PDGFRL: variants seen among roughly 807,000 people sequenced by gnomAD.
PDGFRL encodes platelet-derived growth factor receptor-like protein.
In PDGFRL, 46 loss-of-function variants were observed where a neutral mutation model predicts 37.2. The observed-to-expected ratio is 1.24, with a 90% CI of 0.98 to 1.58. The LOEUF (loss-of-function observed/expected upper bound fraction) is 1.58, where lower values mean the gene tolerates loss of function less well. PDGFRL is among the 40% of genes most tolerant of loss of function. The probability of loss-of-function intolerance (pLI) is 0.00; values close to 1 mark genes in which losing one functional copy is unlikely to be tolerated. For synonymous variants in PDGFRL, 251 were observed against 184.3 expected, an observed-to-expected ratio of 1.36 and a Z score of -2.93; for missense variants, 692 against 467.6, an observed-to-expected ratio of 1.48 and a Z score of -4.43.
chr8:17,631,672 C>T (rs551834925), intron 4 of PDGFRL, among the ~76,000 whole-genome samples: 17 of 152,294 alleles, frequency 1.1e-4, no homozygotes, highest in Admixed American at 4.6e-4. Context: ...TCCACCAAAA[C>T]GGCTATTGCC....
chr8:17,628,520 A>C lies in PDGFRL; in HGVS notation c.539A>C (p.Tyr180Ser). The change falls in exon 4 of 6, where the codon TAC becomes TCC. Residue 180 changes from tyrosine to serine, a missense_variant. Tyr to Ser is a moderately radical substitution (Grantham distance 144). Transcript: ENST00000251630. ...KGELFVPSPS[Y>S]FDVVYLNPDR... is the part of the protein sequence containing the mutation. ...GAACTCTTTGTACCTTCTCCCAGCTACTTCGATGTTGTCTACTTGAACCCG... is the reference window on the plus strand; with the variant it reads ...GAACTCTTTGTACCTTCTCCCAGCTCCTTCGATGTTGTCTACTTGAACCCG... 1 of 1,613,874 alleles carries C rather than the reference A, an allele frequency of 6.2e-7. No homozygotes were observed. The highest frequency in any genetic ancestry group is 8.5e-7 in the Non-Finnish European group (1 of 1,179,798).
chr8:17,596,573 A>C (rs1804057367), intron 2 of PDGFRL, among the ~76,000 whole-genome samples: 1 of 152,218 alleles, frequency 6.6e-6, no homozygotes, highest in African/African-American at 2.4e-5. Flanking sequence ...AATATATCTA[A>C]ATTATATATT....
At chr8:17,602,607 G>A (rs1039298702) in intron 2 of PDGFRL, among the ~76,000 whole-genome samples, 1 of 152,196 alleles carries the variant, frequency 6.6e-6, no homozygotes, top group Non-Finnish European at 1.5e-5. Context: ...GTGGAAAGTG[G>A]TTGAAATTCC....
intron 5 of PDGFRL, among the ~76,000 whole-genome samples, chr8:17,635,941 G>A (rs1165105669): frequency 6.6e-6 from 1 of 152,100 alleles, no homozygotes; most frequent in Admixed American, 6.5e-5. Flanking sequence ...GTCTATTCAT[G>A]TCCTAAGCCC....
intron 3 of PDGFRL, among the ~76,000 whole-genome samples, 159 bp from the exon 4 acceptor site, chr8:17,628,328 A>T (rs1804779318): frequency 6.6e-6 from 1 of 152,062 alleles, no homozygotes; most frequent in African/African-American, 2.4e-5. Flanking sequence ...AAGTTAAATC[A>T]TTCTTCCAAA....
chr8:17,638,761 ATATATATATATATATATATATATAT>A (rs1805028075), intron 5 of PDGFRL, among the ~76,000 whole-genome samples: 6 of 113,030 alleles, frequency 5.3e-5, no homozygotes, highest in South Asian at 2.9e-4. Flanking sequence ...ATATATATAT[ATATATATATATATATATATATATAT>A]AATTGTGATA....
At chr8:17,590,668 T>C (rs151242676) in intron 2 of PDGFRL, among the ~76,000 whole-genome samples, 2,095 of 151,526 alleles carry the variant, frequency 0.014, 40 homozygotes, top group African/African-American at 0.048. Flanking sequence ...GCCGAGTTCG[T>C]ACCACCGCAC....
intron 1 of PDGFRL, among the ~76,000 whole-genome samples, chr8:17,580,273 G>A (rs1430093725): frequency 2.6e-5 from 4 of 152,024 alleles, no homozygotes; most frequent in Non-Finnish European, 5.9e-5. Flanking sequence ...ACAATGACGA[G>A]GATTCTCTAA....
intron 1 of PDGFRL, among the ~76,000 whole-genome samples, chr8:17,577,981 T>C (rs1469495141): frequency 6.6e-6 from 1 of 151,978 alleles, no homozygotes; most frequent in Non-Finnish European, 1.5e-5. Context: ...TGCGCGTTTT[T>C]GAATGTGTAC....
intron 4 of PDGFRL, among the ~76,000 whole-genome samples, chr8:17,630,315 G>A (rs551131587): frequency 7.9e-5 from 12 of 152,234 alleles, no homozygotes; most frequent in African/African-American, 2.9e-4. Context: ...TTTCAATGTG[G>A]CCATTTTAGT....
At chr8:17,582,312 G>A (rs1287385582) in intron 1 of PDGFRL, among the ~76,000 whole-genome samples, 5 of 152,074 alleles carry the variant, frequency 3.3e-5, no homozygotes, top group Non-Finnish European at 5.9e-5. Context: ...AGGATCAGCC[G>A]GGCAGGGTGG....
intron 2 of PDGFRL, among the ~76,000 whole-genome samples, chr8:17,596,670 C>T (rs968139324): frequency 1.3e-5 from 2 of 152,160 alleles, no homozygotes; most frequent in African/African-American, 4.8e-5. Flanking sequence ...CAAATTTTGA[C>T]TCTTTGAATA....
At chr8:17,620,931 C>T in intron 2 of PDGFRL, 120 bp from the exon 3 acceptor site, 1 of 495,856 alleles carries the variant, frequency 2.0e-6, no homozygotes, top group Non-Finnish European at 3.4e-6. Context: ...TTATATTACT[C>T]TATGACATCG....
At chr8:17,612,935 C>A (rs1356197862) in intron 2 of PDGFRL, among the ~76,000 whole-genome samples, 6 of 152,078 alleles carry the variant, frequency 3.9e-5, no homozygotes, top group African/African-American at 1.2e-4. Flanking sequence ...TTATGATTAA[C>A]TTTTCCCGTA....
Position 17,634,174 on chromosome 8 carries a change from T to C in PDGFRL, c.900T>C (p.Asp300=), listed in dbSNP as rs376811115. 3.1e-6 allele frequency: 5 copies of C among 1,613,358 alleles called. No homozygotes were observed. In the African/African-American group the frequency reaches 4.0e-5, roughly 13 times the overall value. The part of the protein sequence containing the change: ...SVLCTVLGEP[D]VEVEFTWIFP... ...TCTGCACTGTCCTGGGGGAGCCCGA[T>C]GTGGAGGTGGAGTTCACCTGGATCT... Residue 300 remains aspartate, a synonymous_variant, in exon 5 of 6, where the codon GAT becomes GAC. Coordinates refer to ENST00000251630, the MANE Select transcript of PDGFRL (RefSeq NM_001372073.1).
intron 5 of PDGFRL, among the ~76,000 whole-genome samples, chr8:17,637,018 A>G (rs566400610): frequency 2.6e-4 from 39 of 152,138 alleles, no homozygotes; most frequent in Non-Finnish European, 5.0e-4. Flanking sequence ...TTTTTGGAGG[A>G]GTCTTTAGGG....
At chr8:17,605,114 C>G (rs529865135) in intron 2 of PDGFRL, among the ~76,000 whole-genome samples, 109 of 152,046 alleles carry the variant, frequency 7.2e-4, no homozygotes, top group Admixed American at 1.0e-3. Context: ...GAGACTCTGT[C>G]CCAGAAAGAA....
intron 2 of PDGFRL, among the ~76,000 whole-genome samples, chr8:17,591,393 T>C (rs902195377): frequency 1.3e-5 from 2 of 152,164 alleles, no homozygotes; most frequent in African/African-American, 4.8e-5. Context: ...AACCTGAGCA[T>C]GGGCTCTGCG....
rs56085770 is a variant in PDGFRL at position 17,638,738 on chromosome 8, C to CATATATAT, written c.940-3833_940-3826dup. ...AATTTGGGAGCTCTGGCATTAGGTG[C>CATATATAT]ATATATATATATATATATATATATA... On this transcript the variant is annotated intron_variant, in intron 5 of 5. Transcript: ENST00000251630. 9.9e-4 allele frequency among the ~76,000 whole-genome samples: 47 copies of CATATATAT among 47,352 alleles called. 1 individual carries two copies. Among genetic ancestry groups the CATATATAT allele is most frequent in the South Asian group, 3.8e-3 (2 of 530 alleles). 31.1% of individuals were successfully genotyped at this position (47,352 alleles called of 152,430 possible).
Sources: allele counts gnomAD v4.1 joint callset (sites outside exome capture counted in the v4.1 genomes callset), GRCh38; gene constraint gnomAD v4.1.1; transcripts MANE v1.5; gene names NCBI Gene and HGNC (gene_info 2026-07-23, HGNC 2026-07-21).